ASTN2: variants seen among roughly 807,000 people sequenced by gnomAD.
The protein encoded by ASTN2 is astrotactin 2.
A neutral mutation model predicts 139.8 loss-of-function variants in ASTN2; 54 were observed. That is an observed-to-expected ratio of 0.39 (90% CI 0.31 to 0.48). ASTN2 has a LOEUF of 0.48. ASTN2 is among the 20% of genes least tolerant of loss of function. The pLI, the probability that ASTN2 is intolerant of heterozygous loss-of-function variation, is 0.95. For synonymous variants in ASTN2, 756 were observed against 719.5 expected (o/e 1.05, Z -0.81); for missense variants, 1,565 against 1,725.1 (o/e 0.91, Z 1.64).
At chr9:117,174,177 T>C (rs2132932115) in intron 3 of ASTN2, among the ~76,000 whole-genome samples, 1 of 151,560 alleles carries the variant, frequency 6.6e-6, no homozygotes, top group South Asian at 2.1e-4. Flanking sequence ...ATAGATTAGA[T>C]AGACACACAA....
chr9:116,704,272 C>T (rs1406099170), intron 16 of ASTN2, among the ~76,000 whole-genome samples: 5 of 152,090 alleles, frequency 3.3e-5, no homozygotes, highest in African/African-American at 9.7e-5. Context: ...TTGTTGAGTT[C>T]CCCCCAATGT....
At chr9:117,184,603 G>A (rs1412518683) in intron 3 of ASTN2, among the ~76,000 whole-genome samples, 1 of 152,144 alleles carries the variant, frequency 6.6e-6, no homozygotes, top group African/African-American at 2.4e-5. Context: ...TCTGTAAAAG[G>A]AGCTGTCAGT....
intron 12 of ASTN2, among the ~76,000 whole-genome samples, chr9:116,819,467 C>T (rs1443935562): frequency 1.3e-5 from 2 of 152,138 alleles, no homozygotes; most frequent in African/African-American, 4.8e-5. Context: ...GCCCTAAGTG[C>T]AACTAGGGCA....
chr9:117,280,738 G>A (rs768247656), intron 2 of ASTN2, among the ~76,000 whole-genome samples: 2 of 152,022 alleles, frequency 1.3e-5, no homozygotes, highest in Non-Finnish European at 2.9e-5. Context: ...ATTTGTCACG[G>A]CAGCCTTAGG....
At chr9:116,538,868 A>G (rs1851758991) in intron 19 of ASTN2, among the ~76,000 whole-genome samples, 1 of 152,190 alleles carries the variant, frequency 6.6e-6, no homozygotes, top group African/African-American at 2.4e-5. Flanking sequence ...TTAAGAATTA[A>G]TTTTGGAAAG....
At position 116,698,809 on chromosome 9, in the gene ASTN2, T is replaced by C. The variant is rs1210461263; in HGVS notation, c.2806+26962A>G. On this transcript the variant is annotated intron_variant, in intron 16 of 22. Coordinates refer to ENST00000313400, the MANE Select transcript of ASTN2 (RefSeq NM_001365068.1). This position sits in a 1 kb window ranked among gnomAD's most constrained non-coding sequence, Gnocchi z 4.4. The stretch of plus-strand genomic sequence containing the variant: ...GCAGCCTCCAATATCCAGCAGTGCC[T>C]CTTTCTCAAGAAGATGGGGGCCAAA... The C allele has an allele frequency of 1.2e-6, 2 of 1,614,070 alleles. No individual in the cohort carries two copies. The highest frequency in any genetic ancestry group is 1.7e-6 in the Non-Finnish European group (2 of 1,180,050).
At chr9:116,871,483 C>T (rs756478367) in intron 10 of ASTN2, among the ~76,000 whole-genome samples, 4 of 152,058 alleles carry the variant, frequency 2.6e-5, no homozygotes, top group Non-Finnish European at 5.9e-5. Context: ...TCCCAATGAC[C>T]CTTGTGTTGG....
chr9:116,944,366 C>T (rs977589224), intron 10 of ASTN2, among the ~76,000 whole-genome samples: 2 of 152,052 alleles, frequency 1.3e-5, no homozygotes, highest in Non-Finnish European at 2.9e-5. Context: ...GCCACACAGA[C>T]ATGGGAGAGA....
intron 13 of ASTN2, among the ~76,000 whole-genome samples, chr9:116,764,758 T>A (rs1018709706): frequency 6.6e-6 from 1 of 152,200 alleles, no homozygotes; most frequent in Non-Finnish European, 1.5e-5. Context: ...AAGCTTACAT[T>A]AGTTGTTTCT....
At chr9:116,932,099 T>A (rs1834915363) in intron 10 of ASTN2, among the ~76,000 whole-genome samples, 1 of 152,132 alleles carries the variant, frequency 6.6e-6, no homozygotes, top group African/African-American at 2.4e-5. Context: ...TTGAATATGA[T>A]GCCAAGGCCA....
intron 2 of ASTN2, among the ~76,000 whole-genome samples, chr9:117,289,524 C>A (rs1834533078): frequency 6.6e-6 from 1 of 152,108 alleles, no homozygotes; most frequent in South Asian, 2.1e-4. Flanking sequence ...TAATACTATC[C>A]AGGTTACTGG....
At chr9:116,846,246 T>C (rs1832428074) in intron 11 of ASTN2, among the ~76,000 whole-genome samples, 1 of 152,156 alleles carries the variant, frequency 6.6e-6, no homozygotes, top group African/African-American at 2.4e-5. Context: ...AGTTTCAGTT[T>C]TGAGAGATAA....
intron 4 of ASTN2, among the ~76,000 whole-genome samples, chr9:117,106,412 G>A (rs1829105267): frequency 6.6e-6 from 1 of 151,872 alleles, no homozygotes; most frequent in African/African-American, 2.4e-5. Flanking sequence ...GGCCAGGGTA[G>A]TCTCAAACTC....
intron 10 of ASTN2, among the ~76,000 whole-genome samples, chr9:116,881,235 G>A (rs1048830719): frequency 2.0e-5 from 3 of 152,178 alleles, no homozygotes; most frequent in African/African-American, 4.8e-5. Context: ...GCCCAGTCAC[G>A]TGTGTTTTAT....
intron 7 of ASTN2, among the ~76,000 whole-genome samples, chr9:117,006,809 A>T (rs952476545): frequency 6.6e-6 from 1 of 151,956 alleles, no homozygotes; most frequent in Admixed American, 6.6e-5. Context: ...TGGCCCCACT[A>T]CTAGTGCTAA....
chr9:117,158,636 T>C lies in ASTN2; in HGVS notation c.1016-17158A>G, dbSNP rs558444903. ...TCAGTGAGTGCATGGCAGAAGGGCA[T>C]TGGGTGAGGCCACGTCCTAGACTCT... On this transcript the variant is annotated intron_variant, in intron 3 of 22. Coordinates refer to ENST00000313400, the MANE Select transcript of ASTN2 (RefSeq NM_001365068.1). Among the ~76,000 whole-genome samples the C allele has an allele frequency of 1.5e-4, 23 of 152,134 alleles. No homozygotes were observed. In the South Asian group the frequency reaches 4.1e-3, roughly 27 times the overall value.
intron 19 of ASTN2, among the ~76,000 whole-genome samples, chr9:116,512,175 G>C (rs1587913168): frequency 6.6e-6 from 1 of 152,194 alleles, no homozygotes; most frequent in East Asian, 1.9e-4. Context: ...TGCTTTAAAT[G>C]TGTCCCAGAG....
At chr9:116,603,420 G>T (rs1855015700) in intron 19 of ASTN2, among the ~76,000 whole-genome samples, 1 of 152,134 alleles carries the variant, frequency 6.6e-6, no homozygotes, top group Admixed American at 6.5e-5. Flanking sequence ...GCCCAGGAGT[G>T]GGTGGCTGAG....
chr9:116,495,153 C>T (rs1413282983), intron 19 of ASTN2, among the ~76,000 whole-genome samples: 1 of 152,190 alleles, frequency 6.6e-6, no homozygotes, highest in East Asian at 1.9e-4. Context: ...AGTGATCTAG[C>T]AAATACCTAC....
Sources: allele counts gnomAD v4.1 joint callset (sites outside exome capture counted in the v4.1 genomes callset), GRCh38; gene constraint gnomAD v4.1.1; non-coding constraint Gnocchi (gnomAD v3.1); transcripts MANE v1.5; gene names NCBI Gene and HGNC (gene_info 2026-07-23, HGNC 2026-07-21).